Variants in EYS observed in about 807,000 individuals in gnomAD.
The protein encoded by EYS is EGF-like photoreceptor maintenance factor, also known as protein eyes shut homolog.
In EYS, 250 loss-of-function variants were observed where a neutral mutation model predicts 282.1. The ratio of observed to expected loss-of-function variants is 0.89; its 90% CI spans 0.80 to 0.98. The LOEUF is 0.98. Ranked by LOEUF, EYS falls within the 50% of genes least tolerant of loss-of-function variation. The probability of loss-of-function intolerance (pLI) is 0.00; values close to 1 mark genes in which losing one functional copy is unlikely to be tolerated. For missense variants in EYS, 4,016 were observed against 3,709.0 expected, an observed-to-expected ratio of 1.08 and a Z score of -2.15; for synonymous variants, 1,355 against 1,282.9, an observed-to-expected ratio of 1.06 and a Z score of -1.20.
At chr6:65,369,317 T>TATATATATATATATTTATATATATATATA (rs1765043891) in intron 8 of EYS, among the ~76,000 whole-genome samples, 1 of 33,318 alleles carries the variant, frequency 3.0e-5, no homozygotes, top group East Asian at 4.9e-4. Context: ...ATATATATAT[T>TATATATATATATATTTATATATATATATA]ATATATATAT....
chr6:65,501,214 T>C (rs1215840705), intron 2 of EYS, among the ~76,000 whole-genome samples: 1 of 151,886 alleles, frequency 6.6e-6, no homozygotes, highest in Non-Finnish European at 1.5e-5. Context: ...TCTGTGAATG[T>C]CCATGTATAC....
chr6:65,676,629 T>C (rs904938532), intron 1 of EYS, among the ~76,000 whole-genome samples: 1 of 151,752 alleles, frequency 6.6e-6, no homozygotes, highest in African/African-American at 2.4e-5. Context: ...CTACCAAATA[T>C]GTAGAGAGGA....
chr6:65,334,892 A>AT (rs1217674979), intron 11 of EYS, 88 bp downstream of exon 11: 82 of 1,260,048 alleles, frequency 6.5e-5, no homozygotes, highest in Non-Finnish European at 8.9e-5. Context: ...CAACAAAAAC[A>AT]TTGTTACCAT....
intron 8 of EYS, among the ~76,000 whole-genome samples, chr6:65,356,760 T>C (rs748860545): frequency 3.3e-5 from 5 of 152,032 alleles, no homozygotes; most frequent in Non-Finnish European, 7.4e-5. Context: ...TCCTCTAACA[T>C]AACAACCTGA....
chr6:64,050,086 T>A (rs1770757241), intron 33 of EYS, among the ~76,000 whole-genome samples: 2 of 152,182 alleles, frequency 1.3e-5, no homozygotes, highest in Admixed American at 1.3e-4. Context: ...TAACACTTTT[T>A]AAAACATGTT....
At position 65,701,826 on chromosome 6, in the gene EYS, T is replaced by A. The variant is rs12523724; in HGVS notation, c.-448+5309A>T. ...AAATAAAAGGGCATATACATATATA[T>A]AGAGAGAGTTTTTTGGAACAGGAAG... is the stretch of plus-strand genomic sequence containing the variant. On this transcript the variant is annotated intron_variant, in intron 1 of 42. Transcript: ENST00000503581. Among the ~76,000 whole-genome samples, 233 of 151,986 alleles carry A rather than the reference T, an allele frequency of 1.5e-3. 2 individuals carry two copies. The highest frequency in any genetic ancestry group is 5.0e-3 in the African/African-American group (207 of 41,400).
At chr6:64,691,338 T>C (rs1770374939) in intron 22 of EYS, among the ~76,000 whole-genome samples, 1 of 152,140 alleles carries the variant, frequency 6.6e-6, no homozygotes, top group African/African-American at 2.4e-5. Flanking sequence ...TAGAAATGCG[T>C]CTATACACAG....
At chr6:65,330,135 C>T (rs967494893) in intron 11 of EYS, 2 of 981,758 alleles carry the variant, frequency 2.0e-6, no homozygotes, top group Non-Finnish European at 2.4e-6. Flanking sequence ...CTAAATGAAA[C>T]AGAAGAACCA....
In EYS at chr6:64,488,960, T is replaced by C. The variant is rs150785822; in HGVS notation, c.5645-49608A>G. On this transcript the variant is annotated intron_variant, in intron 26 of 42. Transcript: ENST00000503581. ...TTAGGAATTATTTGATATTATTTAA[T>C]CTATTTCTATATGATCTGATACTTT... Among the ~76,000 whole-genome samples, 397 of 151,088 alleles carry C rather than the reference T, an allele frequency of 2.6e-3. 3 individuals carry two copies. The highest frequency in any genetic ancestry group is 8.9e-3 in the African/African-American group (370 of 41,444).
intron 22 of EYS, among the ~76,000 whole-genome samples, chr6:64,729,907 T>C (rs76566787): frequency 0.011 from 1,703 of 152,320 alleles, 25 homozygotes; most frequent in African/African-American, 0.038. Context: ...AGGTGAAAGT[T>C]TAGTTTTGTT....
intron 22 of EYS, among the ~76,000 whole-genome samples, chr6:64,701,023 C>T (rs1316983651): frequency 6.6e-6 from 1 of 151,796 alleles, no homozygotes; most frequent in Non-Finnish European, 1.5e-5. Flanking sequence ...AAACCTAGAC[C>T]TATAGATCAA....
chr6:64,873,188 C>T (rs573378868), intron 19 of EYS, among the ~76,000 whole-genome samples: 5 of 152,138 alleles, frequency 3.3e-5, no homozygotes, highest in African/African-American at 9.6e-5. Context: ...GTGAAAGGCA[C>T]ATCTCACATG....
At chr6:63,727,140 G>A (rs1324544667) in intron 41 of EYS, among the ~76,000 whole-genome samples, 1 of 151,450 alleles carries the variant, frequency 6.6e-6, no homozygotes, top group Non-Finnish European at 1.5e-5. Flanking sequence ...TATATTATAA[G>A]GCATAATATA....
intron 12 of EYS, among the ~76,000 whole-genome samples, chr6:65,109,665 A>AC (rs1479858714): frequency 1.3e-5 from 2 of 151,944 alleles, no homozygotes; most frequent in African/African-American, 4.8e-5. Context: ...CATAAAAAAA[A>AC]AAAAAACACC....
At chr6:64,678,398 C>T (rs150112647) in intron 22 of EYS, among the ~76,000 whole-genome samples, 236 of 150,636 alleles carry the variant, frequency 1.6e-3, no homozygotes, top group African/African-American at 5.3e-3. Context: ...GCCAACATGG[C>T]GAAACCCCAT....
chr6:64,852,359 C>T (rs540612850), intron 19 of EYS, among the ~76,000 whole-genome samples: 137 of 152,188 alleles, frequency 9.0e-4, no homozygotes, highest in African/African-American at 3.2e-3. Flanking sequence ...GCTTGACTGT[C>T]TTAGCCTCCC....
chr6:64,595,040 C>T (rs1156629818), intron 24 of EYS, among the ~76,000 whole-genome samples: 5 of 151,948 alleles, frequency 3.3e-5, no homozygotes, highest in African/African-American at 1.2e-4. Flanking sequence ...TGCAAAAGTT[C>T]TCCCCAAAAC....
intron 31 of EYS, among the ~76,000 whole-genome samples, chr6:64,160,147 A>G (rs1775060289): frequency 1.3e-5 from 2 of 152,100 alleles, no homozygotes; most frequent in African/African-American, 4.8e-5. Context: ...CAATAATTAT[A>G]ATCTCTGGTA....
chr6:65,331,233 G>T, intron 11 of EYS: 3 of 688,078 alleles, frequency 4.4e-6, no homozygotes, highest in Non-Finnish European at 5.4e-6. Flanking sequence ...AATTTGGGAA[G>T]AATTAATATT....
Sources: gnomAD v4.1 joint callset for allele counts (sites outside exome capture counted in the v4.1 genomes callset) on GRCh38, gnomAD v4.1.1 for gene constraint, MANE v1.5 for transcripts, NCBI Gene and HGNC (gene_info 2026-07-23, HGNC 2026-07-21) for gene names.